RSRC1: variants seen among roughly 807,000 people sequenced by gnomAD.
RSRC1 encodes the protein serine/Arginine-related protein 53.
RSRC1 carries 39 observed loss-of-function variants against 49.1 expected under a neutral mutation model. The observed-to-expected ratio is 0.79, with a 90% CI of 0.61 to 1.04. The LOEUF (loss-of-function observed/expected upper bound fraction) is 1.04, where lower values mean the gene tolerates loss of function less well. Among genes scored for constraint, RSRC1 ranks in the 50% least tolerant of loss-of-function variants. The pLI is 0.00. For missense variants in RSRC1, 388 were observed against 402.4 expected (o/e 0.96, Z 0.31); for synonymous variants, 143 against 130.8 (o/e 1.09, Z -0.63).
At chr3:158,492,550 G>T (rs774245659) in intron 7 of RSRC1, among the ~76,000 whole-genome samples, 4 of 152,136 alleles carry the variant, frequency 2.6e-5, no homozygotes, top group Non-Finnish European at 5.9e-5. Context: ...CCAGAAATGG[G>T]CTGGGAGGTG....
chr3:158,351,627 A>G (rs1404062959), intron 5 of RSRC1, among the ~76,000 whole-genome samples: 2 of 151,984 alleles, frequency 1.3e-5, no homozygotes, highest in African/African-American at 4.8e-5. Context: ...AAAACTCTAT[A>G]TGCATTTATA....
At chr3:158,400,667 T>C (rs4516653) in intron 6 of RSRC1, among the ~76,000 whole-genome samples, 33,072 of 151,914 alleles carry the variant, frequency 0.22, 4,205 homozygotes, top group Non-Finnish European at 0.29. Flanking sequence ...AAAAAGAAAT[T>C]TTTAAATAGG....
In RSRC1 at chr3:158,435,180, A is replaced by T. The variant is rs1304780933; in HGVS notation, c.584-25755A>T. Among the ~76,000 whole-genome samples the T allele has an allele frequency of 3.3e-5, 5 of 151,938 alleles. No homozygotes were observed. The South Asian group carries it at 6.2e-4, about 19-fold the overall frequency. ...AAAGCTTCTATTTATCTATTTTTTT[A>T]AAATTTGTGTTTCAAGTGTTTGAAG... On this transcript the variant is annotated intron_variant, in intron 6 of 9. Coordinates refer to ENST00000611884, the MANE Select transcript of RSRC1 (RefSeq NM_001271838.2).
chr3:158,307,685 A>G (rs1321426941), intron 5 of RSRC1, among the ~76,000 whole-genome samples: 1 of 151,890 alleles, frequency 6.6e-6, no homozygotes, highest in Non-Finnish European at 1.5e-5. Context: ...CAAGCAATGT[A>G]ATTTCATTTT....
At chr3:158,269,338 A>T (rs1302411480) in intron 4 of RSRC1, among the ~76,000 whole-genome samples, 3 of 152,172 alleles carry the variant, frequency 2.0e-5, no homozygotes, top group African/African-American at 7.2e-5. Context: ...GCCTAATGTT[A>T]GTTTATGGTG....
chr3:158,458,802 C>T (rs1174099088), intron 6 of RSRC1, among the ~76,000 whole-genome samples: 1 of 152,046 alleles, frequency 6.6e-6, no homozygotes, highest in Non-Finnish European at 1.5e-5. Flanking sequence ...GGGATTGCCA[C>T]CTTTTTGAGA....
intron 5 of RSRC1, among the ~76,000 whole-genome samples, chr3:158,345,284 A>G (rs1275514443): frequency 6.6e-6 from 1 of 152,064 alleles, no homozygotes; most frequent in Non-Finnish European, 1.5e-5. Context: ...AATGTGGTAG[A>G]TTAATAATTA....
chr3:158,203,089 G>T lies in RSRC1; in HGVS notation c.338G>T (p.Arg113Leu), dbSNP rs369321021. 3 of 1,612,640 alleles carry T rather than the reference G, an allele frequency of 1.9e-6. No homozygotes were observed. Among genetic ancestry groups the T allele is most frequent in the Admixed American group, 1.7e-5 (1 of 59,940 alleles). ...SRTRRSRSRP[R>L]LRSHSRSSER... ...TACTGTAGGTCCAGGTCAAGACCTCGTCTCCGTTCTCATAGTCGTAGCAGT... is the reference window on the plus strand; with the variant it reads ...TACTGTAGGTCCAGGTCAAGACCTCTTCTCCGTTCTCATAGTCGTAGCAGT... Residue 113 changes from arginine (R) to leucine (L), a missense_variant, in exon 4 of 10, where the codon CGT becomes CTT. Coordinates refer to ENST00000611884, the MANE Select transcript of RSRC1 (RefSeq NM_001271838.2).
Position 158,122,100 on chromosome 3 carries a change from T to C in RSRC1, c.-2-3T>C. On this transcript the variant is annotated splice_region_variant and splice_polypyrimidine_tract_variant and intron_variant, in intron 1 of 9. Transcript: ENST00000611884. ...ATAATATTCTTCAAATTTATGCTTA[T>C]AGAAATGGGACGTCGGTCATCAGAT... The C allele has an allele frequency of 6.8e-7, 1 of 1,478,852 alleles. No homozygotes were observed. 91.6% of individuals were successfully genotyped at this position (1,478,852 alleles called of 1,614,324 possible). A position where few individuals can be genotyped will look rare whatever the true frequency, so the allele number is the denominator to read the frequency against.
chr3:158,322,836 T>C (rs992162999), intron 5 of RSRC1, among the ~76,000 whole-genome samples: 1 of 152,210 alleles, frequency 6.6e-6, no homozygotes, highest in Non-Finnish European at 1.5e-5. Flanking sequence ...TGGATAATTG[T>C]TTTATCAATC....
intron 1 of RSRC1, among the ~76,000 whole-genome samples, chr3:158,118,462 T>TGTGTGTGTGTGTGCGCGCGCGC (rs1491469875): frequency 1.3e-4 from 16 of 124,678 alleles, no homozygotes; most frequent in Non-Finnish European, 1.8e-4. Flanking sequence ...TGTGTGTGTG[T>TGTGTGTGTGTGTGCGCGCGCGC]GCGCGTGCGC....
rs185179694 is a variant in RSRC1, at chr3:158,470,412, G to A, written c.652+9409G>A. On this transcript the variant is annotated intron_variant, in intron 7 of 9. Coordinates refer to ENST00000611884, the MANE Select transcript of RSRC1 (RefSeq NM_001271838.2). ...TCTTCAGTGTAATTGACCTTTTCTTGAAAGTGTATATAAGTTTATTTTAGT... is the reference window on the plus strand; with the variant it reads ...TCTTCAGTGTAATTGACCTTTTCTTAAAAGTGTATATAAGTTTATTTTAGT... Among the ~76,000 whole-genome samples the A allele has an allele frequency of 1.5e-3, 222 of 149,048 alleles. 3 individuals carry two copies. Among genetic ancestry groups the A allele is most frequent in the African/African-American group, 5.2e-3 (211 of 40,348 alleles).
chr3:158,377,189 T>G (rs1190332415), intron 6 of RSRC1, among the ~76,000 whole-genome samples: 1 of 152,228 alleles, frequency 6.6e-6, no homozygotes. Flanking sequence ...GTCTGCAAAT[T>G]TATGCCCTTA....
chr3:158,266,050 C>G (rs991013854), intron 4 of RSRC1, among the ~76,000 whole-genome samples: 1 of 151,992 alleles, frequency 6.6e-6, no homozygotes, highest in Admixed American at 6.6e-5. Context: ...TTTTATTTAT[C>G]TATATATCTC....
At chr3:158,327,176 A>G (rs1267581595) in intron 5 of RSRC1, among the ~76,000 whole-genome samples, 7 of 152,110 alleles carry the variant, frequency 4.6e-5, no homozygotes, top group Non-Finnish European at 1.0e-4. Context: ...GATCGTTTCA[A>G]AAAACCAGCT....
intron 7 of RSRC1, among the ~76,000 whole-genome samples, chr3:158,477,889 A>G (rs1738451612): frequency 6.7e-6 from 1 of 148,448 alleles, no homozygotes; most frequent in African/African-American, 2.5e-5. Context: ...ACACCTTTCA[A>G]AGTTAATACT....
rs1162131694 is a variant in RSRC1 at position 158,544,342 on chromosome 3, A to G, written c.*67A>G. 2.9e-6 allele frequency: 3 copies of G among 1,023,304 alleles called. No homozygotes were observed. Among genetic ancestry groups the G allele is most frequent in the Non-Finnish European group, 4.3e-6 (3 of 691,344 alleles). The allele number at this position is 1,023,304 out of a possible 1,614,324, so 63.4% of individuals were successfully genotyped here. A position where few individuals can be genotyped will look rare whatever the true frequency, so the allele number is the denominator to read the frequency against. On this transcript the variant is annotated 3_prime_UTR_variant, in exon 10 of 10. Coordinates refer to ENST00000611884, the MANE Select transcript of RSRC1 (RefSeq NM_001271838.2). ...TGGAAATTTAGGTTTTTAAATCCCA[A>G]TATTAACTTTTTACTCTTAAAAAGA...
chr3:158,494,432 C>T (rs561931962), intron 7 of RSRC1, among the ~76,000 whole-genome samples: 3 of 152,184 alleles, frequency 2.0e-5, no homozygotes, highest in Admixed American at 6.5e-5. Context: ...ATTTGAAGGC[C>T]GAGGACATTA....
At chr3:158,515,236 T>C (rs1159642043) in intron 7 of RSRC1, among the ~76,000 whole-genome samples, 1 of 152,068 alleles carries the variant, frequency 6.6e-6, no homozygotes, top group African/African-American at 2.4e-5. Flanking sequence ...GCGGCTGATA[T>C]TGGTTGTTCC....
Sources: allele counts gnomAD v4.1 joint callset (sites outside exome capture counted in the v4.1 genomes callset), GRCh38; gene constraint gnomAD v4.1.1; transcripts MANE v1.5; gene names NCBI Gene and HGNC (gene_info 2026-07-23, HGNC 2026-07-21).